The following ZRANB3 variants were observed in gnomAD, a reference collection of about 807,000 sequenced individuals.
The protein encoded by ZRANB3 is zinc finger RANBP2-type containing 3.
Under a neutral mutation model 133.8 loss-of-function variants are expected in ZRANB3, and 125 were observed. The ratio of observed to expected loss-of-function variants is 0.93; its 90% CI spans 0.81 to 1.08. ZRANB3 has a LOEUF of 1.08. Among genes scored for constraint, ZRANB3 ranks in the 50% least tolerant of loss-of-function variants. The pLI is 0.00. For missense variants in ZRANB3, 1,229 were observed against 1,275.5 expected (o/e 0.96, Z 0.56); for synonymous variants, 387 against 432.7 (o/e 0.89, Z 1.31).
At chr2:135,226,264 C>T (rs1470364073) in intron 14 of ZRANB3, among the ~76,000 whole-genome samples, 1 of 152,164 alleles carries the variant, frequency 6.6e-6, no homozygotes, top group Non-Finnish European at 1.5e-5. Flanking sequence ...ATAGATGATG[C>T]ATCTATGGTC....
At chr2:135,224,360 C>T in intron 15 of ZRANB3, 66 bp downstream of exon 15, 1 of 1,255,898 alleles carries the variant, frequency 8.0e-7, no homozygotes, top group African/African-American at 1.5e-5. Flanking sequence ...TTAAGTATCT[C>T]CACTGAAAAG....
intron 2 of ZRANB3, among the ~76,000 whole-genome samples, chr2:135,409,549 C>G (rs1450095213): frequency 6.6e-6 from 1 of 152,016 alleles, no homozygotes; most frequent in Non-Finnish European, 1.5e-5. Context: ...TGGGGAAAAG[C>G]TGAAAGTGTT....
At chr2:135,290,607 T>TA (rs1192877534) in intron 8 of ZRANB3, among the ~76,000 whole-genome samples, 1 of 152,230 alleles carries the variant, frequency 6.6e-6, no homozygotes, top group Non-Finnish European at 1.5e-5. Flanking sequence ...ACGTCAGTAT[T>TA]GAGATGTGAG....
chr2:135,221,067 G>C (rs76372317), intron 15 of ZRANB3, among the ~76,000 whole-genome samples: 16,644 of 151,786 alleles, frequency 0.11, 1,163 homozygotes, highest in South Asian at 0.32. Flanking sequence ...ATATTGGCCA[G>C]GCTGGTCACG....
At chr2:135,525,035 G>C (rs934978336) in intron 1 of ZRANB3, among the ~76,000 whole-genome samples, 6 of 151,692 alleles carry the variant, frequency 4.0e-5, no homozygotes, top group African/African-American at 1.2e-4. Flanking sequence ...GGATAGATTT[G>C]GACACTAAAA....
chr2:135,361,048 G>A (rs1159785036), intron 3 of ZRANB3, among the ~76,000 whole-genome samples: 5 of 152,186 alleles, frequency 3.3e-5, no homozygotes, highest in African/African-American at 1.2e-4. Flanking sequence ...CCAAAGTGCT[G>A]AGATTACAGG....
intron 1 of ZRANB3, among the ~76,000 whole-genome samples, chr2:135,524,789 A>G (rs1195100684): frequency 2.0e-5 from 3 of 152,132 alleles, no homozygotes; most frequent in African/African-American, 7.2e-5. Flanking sequence ...GAGAATTGTG[A>G]ATATGATAAA....
chr2:135,362,106 G>A (rs1391760306), intron 3 of ZRANB3, among the ~76,000 whole-genome samples: 2 of 151,630 alleles, frequency 1.3e-5, no homozygotes, highest in African/African-American at 2.4e-5. Context: ...GCTGAGGCAG[G>A]AGAATGGCAT....
At chr2:135,454,781 T>C (rs893852923) in intron 2 of ZRANB3, among the ~76,000 whole-genome samples, 1 of 152,232 alleles carries the variant, frequency 6.6e-6, no homozygotes, top group Non-Finnish European at 1.5e-5. Flanking sequence ...TTCTTTTTCA[T>C]GGCTGAGTAG....
rs150964248 is a variant in ZRANB3, at chr2:135,207,927, C to T, written c.2607-91G>A. On this transcript the variant is annotated intron_variant, in intron 18 of 20. Transcript: ENST00000264159. ...TATAAAGGTTATCAAAGTTTCAATA[C>T]GGATAAATAGTAAACACAGATCACA... The T allele has an allele frequency of 1.6e-3, 1,933 of 1,240,670 alleles. 3 individuals are homozygous for T. The highest frequency in any genetic ancestry group is 2.0e-3 in the Non-Finnish European group (1,796 of 914,606). 76.9% of individuals were successfully genotyped at this position (1,240,670 alleles called of 1,614,324 possible).
intron 12 of ZRANB3, among the ~76,000 whole-genome samples, chr2:135,257,106 A>G (rs1193673946): frequency 6.6e-6 from 1 of 152,216 alleles, no homozygotes; most frequent in Non-Finnish European, 1.5e-5. Flanking sequence ...CTTGTTTCAC[A>G]TATAATCAAG....
intron 2 of ZRANB3, among the ~76,000 whole-genome samples, chr2:135,439,507 A>T (rs1406406751): frequency 6.6e-6 from 1 of 152,162 alleles, no homozygotes; most frequent in Non-Finnish European, 1.5e-5. Flanking sequence ...TCCACTAAAA[A>T]AAAATTTTGG....
intron 2 of ZRANB3, among the ~76,000 whole-genome samples, chr2:135,450,010 G>A (rs539665771): frequency 6.6e-6 from 1 of 152,170 alleles, no homozygotes; most frequent in African/African-American, 2.4e-5. Flanking sequence ...CCAAAGTGCT[G>A]GGATTGCAGG....
intron 10 of ZRANB3, among the ~76,000 whole-genome samples, chr2:135,270,893 C>G (rs1202059978): frequency 6.6e-6 from 1 of 152,214 alleles, no homozygotes; most frequent in Admixed American, 6.5e-5. Flanking sequence ...GGCAGAAAAA[C>G]AGTCCAGAAG....
chr2:135,506,442 G>A (rs1035999792), intron 1 of ZRANB3, among the ~76,000 whole-genome samples: 1 of 151,776 alleles, frequency 6.6e-6, no homozygotes, highest in East Asian at 1.9e-4. Context: ...GGAGGGAACG[G>A]TGTAAGATGA....
At chr2:135,394,934 T>C (rs1687411681) in intron 2 of ZRANB3, among the ~76,000 whole-genome samples, 1 of 108,514 alleles carries the variant, frequency 9.2e-6, no homozygotes, top group Non-Finnish European at 1.7e-5. Flanking sequence ...CTGGACAACA[T>C]AGCAAGACCT....
At chr2:135,313,397 G>T in intron 8 of ZRANB3, 92 bp downstream of exon 8, 2 of 753,690 alleles carry the variant, frequency 2.7e-6, no homozygotes, top group Non-Finnish European at 4.2e-6. Flanking sequence ...AAGAAATTCT[G>T]CAATATATAA....
At chr2:135,461,495 T>C (rs1477862976) in intron 2 of ZRANB3, among the ~76,000 whole-genome samples, 1 of 152,170 alleles carries the variant, frequency 6.6e-6, no homozygotes, top group African/African-American at 2.4e-5. Flanking sequence ...TGCTTGAACC[T>C]GGGAGGCAGA....
Position 135,230,741 on chromosome 2 carries a change from T to G in ZRANB3, c.1726A>C (p.Lys576Gln), listed in dbSNP as rs1694973603. ...TCCGAGGCAGCCAATTTCAATCTTTTCGTTTCAGGTTCAACATCACTTTCA... is the reference window on the plus strand; with the variant it reads ...TCCGAGGCAGCCAATTTCAATCTTTGCGTTTCAGGTTCAACATCACTTTCA... ...DYESDVEPETKRLKLAASEDH... is the reference protein window; with the variant it reads ...DYESDVEPETQRLKLAASEDH... Residue 576 changes from lysine (K) to glutamine (Q), a missense_variant, in exon 13 of 21, where the codon AAA becomes CAA. By Grantham distance (53) the Lys-to-Gln change is moderately conservative. Transcript: ENST00000264159. 1 of 1,613,560 alleles carries G rather than the reference T, an allele frequency of 6.2e-7. No individual in the cohort carries two copies. The highest frequency in any genetic ancestry group is 8.5e-7 in the Non-Finnish European group (1 of 1,179,792).
Sources: allele counts gnomAD v4.1 joint callset (sites outside exome capture counted in the v4.1 genomes callset), GRCh38; gene constraint gnomAD v4.1.1; transcripts MANE v1.5; gene names NCBI Gene and HGNC (gene_info 2026-07-23, HGNC 2026-07-21).